Variants in SPACA7 observed in about 807,000 individuals in gnomAD.
The protein encoded by SPACA7 is sperm acrosome associated 7.
SPACA7 carries 19 observed loss-of-function variants against 26.3 expected under a neutral mutation model. The ratio of observed to expected loss-of-function variants is 0.72; its 90% CI spans 0.50 to 1.06. SPACA7 has a LOEUF of 1.06. Ranked by LOEUF, SPACA7 falls within the 50% of genes least tolerant of loss-of-function variation. The pLI is 0.00. For missense variants in SPACA7, 211 were observed against 229.9 expected (o/e 0.92, Z 0.53); for synonymous variants, 84 against 84.5 (o/e 0.99, Z 0.04).
At chr13:112,386,051 C>T (rs907890745) in intron 1 of SPACA7, among the ~76,000 whole-genome samples, 5 of 152,206 alleles carry the variant, frequency 3.3e-5, no homozygotes, top group African/African-American at 1.2e-4. Context: ...CCATTTTATA[C>T]TGAACACTGG....
chr13:112,414,466 AATGGCGTGAT>A (rs1886561151), intron 5 of SPACA7, among the ~76,000 whole-genome samples: 1 of 114,986 alleles, frequency 8.7e-6, no homozygotes, highest in African/African-American at 3.4e-5. Flanking sequence ...GCTGTAGTGC[AATGGCGTGAT>A]CTCAGCTCAC....
At chr13:112,382,578 G>C in intron 1 of SPACA7, 1 of 1,518,086 alleles carries the variant, frequency 6.6e-7, no homozygotes, top group Non-Finnish European at 8.8e-7. Context: ...TCCAAGGCTT[G>C]TGTGGTAAAA....
chr13:112,386,115 C>T (rs2183445), intron 1 of SPACA7, among the ~76,000 whole-genome samples: 39,712 of 152,180 alleles, frequency 0.26, 6,001 homozygotes, highest in Non-Finnish European at 0.35. Context: ...GCTTCTACTG[C>T]GCATTTTATT....
Position 112,425,182 on chromosome 13 carries a change from G to A in SPACA7, c.446-7262G>A, listed in dbSNP as rs533577311. On this transcript the variant is annotated intron_variant, in intron 5 of 6. Coordinates refer to ENST00000283550, the MANE Select transcript of SPACA7 (RefSeq NM_145248.5). ...CGTGGGCGCCCGGATCCAAGGGTGC[G>A]CACAGGCTCCCCTGCAGGGTGACAT... 1.5e-3 allele frequency among the ~76,000 whole-genome samples: 228 copies of A among 152,308 alleles called. 4 individuals carry two copies. The highest frequency in any genetic ancestry group is 1.4e-3 in the Non-Finnish European group (95 of 68,034).
chr13:112,412,661 TTCTTCTGC>T (rs1253859552), intron 5 of SPACA7, among the ~76,000 whole-genome samples: 4 of 152,170 alleles, frequency 2.6e-5, no homozygotes, highest in African/African-American at 9.6e-5. Context: ...TCAAGTTTCA[TTCTTCTGC>T]ATATGAATGT....
At chr13:112,424,396 G>A (rs978194915) in intron 5 of SPACA7, among the ~76,000 whole-genome samples, 4 of 152,150 alleles carry the variant, frequency 2.6e-5, no homozygotes, top group African/African-American at 7.2e-5. Flanking sequence ...TTCAGGATGC[G>A]TCAGGAATGA....
chr13:112,424,993 T>C (rs1876390804), intron 5 of SPACA7, among the ~76,000 whole-genome samples: 1 of 152,230 alleles, frequency 6.6e-6, no homozygotes, highest in Non-Finnish European at 1.5e-5. Flanking sequence ...GAGGAGAATG[T>C]GAAACCTTGA....
chr13:112,388,734 G>T (rs1193742184), intron 1 of SPACA7, among the ~76,000 whole-genome samples: 3 of 152,254 alleles, frequency 2.0e-5, no homozygotes, highest in Non-Finnish European at 2.9e-5. Context: ...AGCCAGCTGT[G>T]CAGGAGACCA....
chr13:112,421,771 A>G (rs1165397046), intron 5 of SPACA7, among the ~76,000 whole-genome samples: 1 of 152,236 alleles, frequency 6.6e-6, no homozygotes, highest in Non-Finnish European at 1.5e-5. Flanking sequence ...ATGGAATACT[A>G]TACAGCCATT....
chr13:112,424,279 C>A (rs548264383), intron 5 of SPACA7, among the ~76,000 whole-genome samples: 11 of 152,340 alleles, frequency 7.2e-5, no homozygotes, highest in South Asian at 2.1e-4. Flanking sequence ...CATGAAGATT[C>A]CCCTGTCACT....
chr13:112,400,540 C>T (rs995736121), intron 4 of SPACA7, among the ~76,000 whole-genome samples: 3 of 152,104 alleles, frequency 2.0e-5, no homozygotes, highest in African/African-American at 7.2e-5. Flanking sequence ...ACACTAACAC[C>T]GTTACTGATT....
At chr13:112,391,302 T>C (rs1242638351) in intron 1 of SPACA7, among the ~76,000 whole-genome samples, 1 of 152,230 alleles carries the variant, frequency 6.6e-6, no homozygotes, top group Non-Finnish European at 1.5e-5. Context: ...GTTTCCTTAC[T>C]CTCCTTGGTC....
chr13:112,390,223 T>C (rs1159815444), intron 1 of SPACA7, among the ~76,000 whole-genome samples: 1 of 151,944 alleles, frequency 6.6e-6, no homozygotes, highest in Non-Finnish European at 1.5e-5. Flanking sequence ...AGAACTCGAG[T>C]GCAGAGACTA....
chr13:112,395,377 G>T (rs1373946534), intron 2 of SPACA7, among the ~76,000 whole-genome samples: 1 of 152,232 alleles, frequency 6.6e-6, no homozygotes. Flanking sequence ...TGCCTGAGTC[G>T]TTGCTAGAGG....
chr13:112,434,485 G>A lies in SPACA7; in HGVS notation c.524G>A (p.Gly175Glu), dbSNP rs760011540. The A allele has an allele frequency of 6.2e-7, 1 of 1,608,666 alleles. No individual in the cohort carries two copies. ...CTCAAAATCTCCTCTTTCCACACAG[G>A]AAACATTTTCCATAAAGAGCAGCAG... ...QILQNIGRSSGNIFHKEQQRT... is the reference protein window; with the variant it reads ...QILQNIGRSSENIFHKEQQRT... The change falls in exon 7 of 7, where the codon GGA becomes GAA. Residue 175 changes from glycine to glutamate, a missense_variant and splice_region_variant. Coordinates refer to ENST00000283550, the MANE Select transcript of SPACA7 (RefSeq NM_145248.5).
At chr13:112,407,569 G>A (rs9550074) in intron 5 of SPACA7, among the ~76,000 whole-genome samples, 99,857 of 151,924 alleles carry the variant, frequency 0.66, 33,321 homozygotes, top group African/African-American at 0.78. Flanking sequence ...ACAAACTACC[G>A]TCAGAGAATA....
chr13:112,377,824 T>C (rs1883790001), intron 1 of SPACA7, among the ~76,000 whole-genome samples: 1 of 152,166 alleles, frequency 6.6e-6, no homozygotes, highest in Non-Finnish European at 1.5e-5. Flanking sequence ...GGAGGATGTG[T>C]GCTGGATGGT....
Position 112,395,077 on chromosome 13 carries a change from C to T in SPACA7, c.151+2000C>T, listed in dbSNP as rs570555928. ...TGTGGGAGGGCAGTCACCACCATCA[C>T]GTGCAATGTCAAAGCCTCCGAGTCA... On this transcript the variant is annotated intron_variant, in intron 2 of 6. Coordinates refer to ENST00000283550, the MANE Select transcript of SPACA7 (RefSeq NM_145248.5). Among the ~76,000 whole-genome samples the T allele has an allele frequency of 2.1e-3, 322 of 152,282 alleles. 4 individuals are homozygous for T. The highest frequency in any genetic ancestry group is 7.1e-3 in the African/African-American group (297 of 41,546).
chr13:112,433,224 C>T (rs1360466619), intron 6 of SPACA7, among the ~76,000 whole-genome samples: 31 of 146,552 alleles, frequency 2.1e-4, no homozygotes, highest in Non-Finnish European at 1.5e-5. Context: ...CGCGTCACAC[C>T]ATGAATCCCG....
Sources: allele counts gnomAD v4.1 joint callset (sites outside exome capture counted in the v4.1 genomes callset), GRCh38; gene constraint gnomAD v4.1.1; transcripts MANE v1.5; gene names NCBI Gene and HGNC (gene_info 2026-07-23, HGNC 2026-07-21).